ZMYND8: variants seen among roughly 807,000 people sequenced by gnomAD.
ZMYND8 encodes the protein zinc finger MYND-type containing 8.
A neutral mutation model predicts 140.8 loss-of-function variants in ZMYND8; 37 were observed. The observed-to-expected ratio is 0.26, with a 90% CI of 0.20 to 0.35. ZMYND8 has a LOEUF of 0.35. ZMYND8 is among the 10% of genes least tolerant of loss of function. The pLI, the probability that ZMYND8 is intolerant of heterozygous loss-of-function variation, is 1.00. For synonymous variants in ZMYND8, 592 were observed against 597.1 expected (o/e 0.99, Z 0.12); for missense variants, 1,068 against 1,570.0 (o/e 0.68, Z 5.40).
chr20:47,289,971 C>T (rs1214851091), intron 7 of ZMYND8, among the ~76,000 whole-genome samples: 1 of 152,172 alleles, frequency 6.6e-6, no homozygotes, highest in Non-Finnish European at 1.5e-5. Flanking sequence ...AGAAATAACA[C>T]TAAAAGGCAG....
At chr20:47,228,797 C>T (rs1055435394) in intron 17 of ZMYND8, among the ~76,000 whole-genome samples, 1 of 152,142 alleles carries the variant, frequency 6.6e-6, no homozygotes, top group Non-Finnish European at 1.5e-5. Context: ...AGCTCCCCAA[C>T]GTCACCTTAA....
intron 12 of ZMYND8, among the ~76,000 whole-genome samples, chr20:47,261,666 G>A (rs962302625): frequency 5.9e-5 from 9 of 152,086 alleles, no homozygotes; most frequent in Non-Finnish European, 7.4e-5. Context: ...GCTGCACATA[G>A]GAAAGGTAAG....
At position 47,298,183 on chromosome 20, in the gene ZMYND8, GAAAA is replaced by G; in HGVS notation, c.453+542_453+545del. On this transcript the variant is annotated intron_variant, in intron 4 of 22. Coordinates refer to ENST00000471951, the MANE Select transcript of ZMYND8 (RefSeq NM_001281775.3). This position sits in a 1 kb window ranked among gnomAD's most constrained non-coding sequence, Gnocchi z 5.0. ...TTTTGGTTTTTGTCCTTTTCTGCTG[GAAAA>G]AAAAAAATGATCCATGCCTGTTTTT... The G allele has an allele frequency of 2.8e-6, 2 of 706,958 alleles. No homozygotes were observed. The highest frequency in any genetic ancestry group is 7.4e-4 in the Middle Eastern group (1 of 1,350). The allele number at this position is 706,958 out of a possible 1,614,324, so 43.8% of individuals were successfully genotyped here.
Position 47,221,466 on chromosome 20 carries a change from G to A in ZMYND8, c.3265C>T (p.Pro1089Ser), listed in dbSNP as rs753481743. Residue 1089 changes from proline to serine, a missense_variant, in exon 20 of 23, where the codon CCT becomes TCT. Pro to Ser is a moderately conservative substitution (Grantham distance 74). Transcript: ENST00000471951. ...ACCTCAGCATCCGCTTCCTGCTGAG[G>A]AGCAGTAGCTGGGGACAAAGGAGAG... ...MKSCTQSATA[P>S]QQEADAEVNT... The A allele has an allele frequency of 1.2e-6, 2 of 1,613,788 alleles. No homozygotes were observed. Among genetic ancestry groups the A allele is most frequent in the Non-Finnish European group, 1.7e-6 (2 of 1,179,986 alleles).
intron 18 of ZMYND8, among the ~76,000 whole-genome samples, chr20:47,226,369 A>C (rs753763232): frequency 4.6e-5 from 7 of 152,138 alleles, no homozygotes; most frequent in Non-Finnish European, 1.0e-4. Flanking sequence ...ATCTGATACT[A>C]CGTGAGGGGC....
chr20:47,263,582 T>G (rs12185772), intron 11 of ZMYND8, among the ~76,000 whole-genome samples: 32,673 of 152,012 alleles, frequency 0.21, 4,368 homozygotes, highest in Non-Finnish European at 0.3. Context: ...TGTAATATAG[T>G]GGGAAAGACT....
chr20:47,224,349 C>T lies in ZMYND8; in HGVS notation c.3224G>A (p.Trp1075Ter). 6.2e-7 allele frequency: 1 copy of T among 1,614,232 alleles called. No individual in the cohort carries two copies. Among genetic ancestry groups the T allele is most frequent in the Non-Finnish European group, 8.5e-7 (1 of 1,180,040 alleles). ...YCDYPCQQAH[W>*]PEHMKSCTQS... is the part of the protein sequence containing the mutation. ...GGTGCAGGACTTCATGTGCTCAGGC[C>T]AGTGGGCTTGCTGGCAGGGGTAGTC... Residue 1075 changes from tryptophan to a stop codon, truncating the protein, a stop_gained, in exon 19 of 23, where the codon TGG becomes TAG. Transcript: ENST00000471951. LOFTEE classifies it high-confidence loss of function.
intron 2 of ZMYND8, among the ~76,000 whole-genome samples, chr20:47,340,196 C>T (rs1340468055): frequency 6.6e-6 from 1 of 152,144 alleles, no homozygotes; most frequent in Non-Finnish European, 1.5e-5. Context: ...TCTCAAAGTG[C>T]TTGGCCTCCC....
At chr20:47,275,369 C>T (rs866540333) in intron 11 of ZMYND8, among the ~76,000 whole-genome samples, 2 of 151,964 alleles carry the variant, frequency 1.3e-5, no homozygotes, top group South Asian at 4.2e-4. Flanking sequence ...GTGCGCGCAC[C>T]TGTAATCCCA....
intron 3 of ZMYND8, among the ~76,000 whole-genome samples, chr20:47,301,257 C>T (rs549435178): frequency 2.7e-5 from 4 of 150,910 alleles, no homozygotes; most frequent in South Asian, 4.2e-4. Context: ...CAGGTTCAAG[C>T]GATTCTCCTG....
intron 16 of ZMYND8, among the ~76,000 whole-genome samples, chr20:47,230,925 T>G (rs1436834541): frequency 6.6e-6 from 1 of 152,182 alleles, no homozygotes; most frequent in Non-Finnish European, 1.5e-5. Context: ...GGACATGTCA[T>G]ATAAATGGAA....
At chr20:47,350,469 G>GTTT in intron 1 of ZMYND8, among the ~76,000 whole-genome samples, 1 of 148,026 alleles carries the variant, frequency 6.8e-6, no homozygotes, top group African/African-American at 2.5e-5. Context: ...GTGTGTGTGT[G>GTTT]TTTTTTTTTG....
chr20:47,339,522 G>C (rs1173861503), intron 2 of ZMYND8, among the ~76,000 whole-genome samples: 1 of 152,018 alleles, frequency 6.6e-6, no homozygotes, highest in Non-Finnish European at 1.5e-5. Flanking sequence ...TGTCGCCCAG[G>C]CTGGAGTGCA....
At position 47,222,744 on chromosome 20, in the gene ZMYND8, C is replaced by G. The variant is rs571239965; in HGVS notation, c.3257-1270G>C. On this transcript the variant is annotated intron_variant, in intron 19 of 22. Coordinates refer to ENST00000471951, the MANE Select transcript of ZMYND8 (RefSeq NM_001281775.3). ...CCAAAAGTCTCTACAAAGAAGACAT[C>G]TCCCTAAAGACTAAAGAACAGGGCA... 5.3e-5 allele frequency among the ~76,000 whole-genome samples: 8 copies of G among 152,338 alleles called. 1 individual carries two copies. Among genetic ancestry groups the G allele is most frequent in the African/African-American group, 1.9e-4 (8 of 41,572 alleles).
chr20:47,223,927 A>T (rs1227774941), intron 19 of ZMYND8, among the ~76,000 whole-genome samples: 1 of 152,162 alleles, frequency 6.6e-6, no homozygotes, highest in Non-Finnish European at 1.5e-5. Context: ...GGTGATTACA[A>T]ATATTACAGC....
intron 1 of ZMYND8, among the ~76,000 whole-genome samples, chr20:47,349,461 A>G (rs2082596546): frequency 6.6e-6 from 1 of 152,224 alleles, no homozygotes; most frequent in Non-Finnish European, 1.5e-5. Flanking sequence ...TACAACGGTG[A>G]TTTATTGAAG....
At chr20:47,324,201 CAA>C (rs60339000) in intron 2 of ZMYND8, among the ~76,000 whole-genome samples, 25 of 66,638 alleles carry the variant, frequency 3.8e-4, no homozygotes, top group Admixed American at 8.8e-4. Context: ...GACTCTGTCT[CAA>C]AAAAAAAAAA....
intron 21 of ZMYND8, among the ~76,000 whole-genome samples, chr20:47,217,197 G>A (rs941371775): frequency 4.6e-5 from 7 of 152,162 alleles, no homozygotes; most frequent in Non-Finnish European, 8.8e-5. Flanking sequence ...AGGAAAAAAA[G>A]GCCACATCTG....
intron 3 of ZMYND8, among the ~76,000 whole-genome samples, chr20:47,308,353 G>C (rs984759533): frequency 2.1e-4 from 32 of 151,546 alleles, no homozygotes; most frequent in Non-Finnish European, 3.1e-4. Flanking sequence ...CGAGTAGCTG[G>C]GATTACAGGC....
Sources: gnomAD v4.1 joint callset for allele counts (sites outside exome capture counted in the v4.1 genomes callset) on GRCh38, gnomAD v4.1.1 for gene constraint, Gnocchi (gnomAD v3.1) non-coding constraint, MANE v1.5 for transcripts, NCBI Gene and HGNC (gene_info 2026-07-23, HGNC 2026-07-21) for gene names.